The following ACYP2 variants were observed in gnomAD, a reference collection of about 807,000 sequenced individuals.
The protein encoded by ACYP2 is acylphosphatase-2.
Under a neutral mutation model 11.2 loss-of-function variants are expected in ACYP2, and 12 were observed. That is an observed-to-expected ratio of 1.08 (90% confidence interval 0.69 to 1.74). The LOEUF (loss-of-function observed/expected upper bound fraction) is 1.74. ACYP2 is among the 40% of genes most tolerant of loss of function. The pLI, the probability that ACYP2 is intolerant of heterozygous loss-of-function variation, is 0.00. For synonymous variants in ACYP2, 43 were observed against 32.2 expected, an observed-to-expected ratio of 1.33 and a Z score of -1.13; for missense variants, 134 against 101.9, an observed-to-expected ratio of 1.31 and a Z score of -1.35.
intron 6 of ACYP2, among the ~76,000 whole-genome samples, chr2:54,188,988 C>G (rs1684126568): frequency 6.6e-6 from 1 of 152,228 alleles, no homozygotes; most frequent in Non-Finnish European, 1.5e-5. Context: ...CTCTCTTCTC[C>G]TGGATCATTC....
At chr2:54,086,066 C>T (rs1321074525) in intron 4 of ACYP2, among the ~76,000 whole-genome samples, 1 of 152,068 alleles carries the variant, frequency 6.6e-6, no homozygotes, top group Non-Finnish European at 1.5e-5. Context: ...GACCCAGCCT[C>T]CAGAGTAGCT....
intron 6 of ACYP2, among the ~76,000 whole-genome samples, chr2:54,189,301 C>T (rs1032842909): frequency 6.6e-6 from 1 of 152,086 alleles, no homozygotes; most frequent in Non-Finnish European, 1.5e-5. Flanking sequence ...ACTTTTTGTC[C>T]TCTGATCTAC....
chr2:54,115,723 T>A (rs763982577), intron 4 of ACYP2: 17 of 1,612,842 alleles, frequency 1.1e-5, no homozygotes, highest in Non-Finnish European at 1.3e-5. Flanking sequence ...GTCACTCAAA[T>A]CCGTGGACTA....
intron 4 of ACYP2, among the ~76,000 whole-genome samples, chr2:54,083,556 C>A (rs1388213513): frequency 6.6e-6 from 1 of 151,928 alleles, no homozygotes; most frequent in Non-Finnish European, 1.5e-5. Flanking sequence ...CAGCAGCAAA[C>A]AGGGTGATGG....
chr2:53,975,086 AT>A (rs112531999), intron 2 of ACYP2, among the ~76,000 whole-genome samples: 1 of 152,040 alleles, frequency 6.6e-6, no homozygotes, highest in African/African-American at 2.4e-5. Flanking sequence ...TTAGCCTGGC[AT>A]GGTGGCGTGC....
At chr2:54,294,707 T>A (rs1216130782) in intron 6 of ACYP2, among the ~76,000 whole-genome samples, 1 of 151,906 alleles carries the variant, frequency 6.6e-6, no homozygotes, top group Admixed American at 6.6e-5. Flanking sequence ...GGCCAGGAGT[T>A]TGAGACCAGC....
rs546462081 is a variant in ACYP2 at position 54,173,967 on chromosome 2, A to T, written c.404+35219A>T. Among the ~76,000 whole-genome samples, 7 of 152,272 alleles carry T rather than the reference A, an allele frequency of 4.6e-5. No homozygotes were observed. In the East Asian group the frequency reaches 1.4e-3, roughly 29 times the overall value. ...GTGTAGTTTGAAGTCAGGTAGTGTG[A>T]TGCCTCCAGCTTTGTTCTTTTGGCT... On this transcript the variant is annotated intron_variant, in intron 6 of 6. Coordinates refer to ENST00000607452, the MANE Select transcript of ACYP2 (RefSeq NM_001320586.2).
chr2:54,161,349 A>T (rs992943103), intron 6 of ACYP2, among the ~76,000 whole-genome samples: 4 of 152,196 alleles, frequency 2.6e-5, no homozygotes, highest in Non-Finnish European at 5.9e-5. Context: ...ATTTCCAATG[A>T]TCTCAAGTGT....
intron 4 of ACYP2, among the ~76,000 whole-genome samples, chr2:54,124,142 A>T (rs1680322439): frequency 2.0e-5 from 3 of 152,168 alleles, no homozygotes; most frequent in Non-Finnish European, 2.9e-5. Flanking sequence ...CTCCTTCAAA[A>T]CACTGGCTCC....
chr2:54,049,660 C>G (rs867402907), intron 2 of ACYP2, among the ~76,000 whole-genome samples: 2 of 152,178 alleles, frequency 1.3e-5, no homozygotes, highest in Middle Eastern at 3.2e-3. Context: ...CTGCTTCTTA[C>G]TCCCCCCAAA....
chr2:54,032,148 A>G (rs551702875), intron 2 of ACYP2, among the ~76,000 whole-genome samples: 4 of 152,196 alleles, frequency 2.6e-5, no homozygotes, highest in African/African-American at 9.6e-5. Flanking sequence ...CCATTTGTCT[A>G]TTTTGGCTTT....
At chr2:54,291,363 T>G (rs1689295288) in intron 6 of ACYP2, among the ~76,000 whole-genome samples, 1 of 152,150 alleles carries the variant, frequency 6.6e-6, no homozygotes, top group Non-Finnish European at 1.5e-5. Flanking sequence ...CACAGAAGTG[T>G]GGCCACCATA....
intron 2 of ACYP2, among the ~76,000 whole-genome samples, chr2:53,998,905 T>C: frequency 6.6e-6 from 1 of 152,172 alleles, no homozygotes; most frequent in African/African-American, 2.4e-5. Context: ...TTTCATTCTT[T>C]GGGCTCTCTG....
chr2:54,273,158 TA>T (rs1041947482), intron 6 of ACYP2, among the ~76,000 whole-genome samples: 2 of 152,194 alleles, frequency 1.3e-5, no homozygotes, highest in African/African-American at 4.8e-5. Flanking sequence ...ATTTAATAAA[TA>T]GAGTCTGTCC....
At chr2:54,091,204 A>G (rs1327749828) in intron 4 of ACYP2, among the ~76,000 whole-genome samples, 5 of 152,218 alleles carry the variant, frequency 3.3e-5, no homozygotes, top group Non-Finnish European at 5.9e-5. Context: ...CTGAATATTG[A>G]TTTAGTACAT....
intron 6 of ACYP2, among the ~76,000 whole-genome samples, chr2:54,219,885 A>ATGTGTGTG (rs1685721555): frequency 1.7e-5 from 1 of 57,380 alleles, no homozygotes; most frequent in Admixed American, 2.2e-4. Flanking sequence ...GTGTGTGTAT[A>ATGTGTGTG]TATATATATA....
At chr2:54,115,926 C>A (rs1246299046) in intron 4 of ACYP2, among the ~76,000 whole-genome samples, 170 bp downstream of exon 1, 1 of 150,376 alleles carries the variant, frequency 6.6e-6, no homozygotes, top group African/African-American at 2.5e-5. Context: ...CGCATGCGCC[C>A]GAGGACTTGG....
chr2:54,181,613 A>G (rs1167646059), intron 6 of ACYP2, among the ~76,000 whole-genome samples: 2 of 152,152 alleles, frequency 1.3e-5, no homozygotes, highest in East Asian at 3.8e-4. Context: ...TGTAATACCC[A>G]TTTCCAATGA....
chr2:54,259,855 A>C (rs1687706120), intron 6 of ACYP2, among the ~76,000 whole-genome samples: 1 of 152,228 alleles, frequency 6.6e-6, no homozygotes, highest in Non-Finnish European at 1.5e-5. Flanking sequence ...GAAAAAGTGA[A>C]AACAGCGAGT....
Sources: allele counts gnomAD v4.1 joint callset (sites outside exome capture counted in the v4.1 genomes callset), GRCh38; gene constraint gnomAD v4.1.1; transcripts MANE v1.5; gene names NCBI Gene and HGNC (gene_info 2026-07-23, HGNC 2026-07-21).